SH2D6: variants seen among roughly 807,000 people sequenced by gnomAD.
SH2D6 encodes SH2 domain-containing protein 6.
Under a neutral mutation model 30.2 loss-of-function variants are expected in SH2D6, and 31 were observed. That is an observed-to-expected ratio of 1.03 (90% confidence interval 0.77 to 1.38). SH2D6 has a LOEUF of 1.38. SH2D6 is among the 40% of genes most tolerant of loss of function. The pLI is 0.00. For missense variants in SH2D6, 240 were observed against 266.8 expected, an observed-to-expected ratio of 0.90 and a Z score of 0.70; for synonymous variants, 93 against 104.6, an observed-to-expected ratio of 0.89 and a Z score of 0.68.
chr2:85,434,587 C>T, intron 19 of SH2D6, 90 bp downstream of exon 19: 2 of 1,465,372 alleles, frequency 1.4e-6, no homozygotes, highest in Non-Finnish European at 1.9e-6. Flanking sequence ...TACCCTTTCC[C>T]CACTTCTCAC....
rs932703488 is a variant in SH2D6, at chr2:85,434,342, C to T, written c.536C>T (p.Pro179Leu). 20 of 1,547,788 alleles carry T rather than the reference C, an allele frequency of 1.3e-5. No homozygotes were observed. The highest frequency in any genetic ancestry group is 1.7e-5 in the Non-Finnish European group (19 of 1,145,038). Residue 179 changes from proline to leucine, a missense_variant and splice_region_variant, in exon 18 of 24, where the codon CCT (proline) becomes CTT (leucine). Transcript: ENST00000469800. Reference protein sequence around the residue: ...PLPRTSVVPRPTTAPQETRNG... With the variant: ...PLPRTSVVPRLTTAPQETRNG... ...GTCCCCCGATTTGCTTCCCACAGGCCTACCACAGCCCCCCAGGAAACTCGG... is the reference window on the plus strand; with the variant it reads ...GTCCCCCGATTTGCTTCCCACAGGCTTACCACAGCCCCCCAGGAAACTCGG...
At chr2:85,435,200 T>C (rs1054938199) in intron 20 of SH2D6, 77 bp downstream of exon 20, 1 of 1,473,702 alleles carries the variant, frequency 6.8e-7, no homozygotes, top group Non-Finnish European at 9.4e-7. Flanking sequence ...AGGAACCCTC[T>C]TGGGCTGAAG....
At position 85,435,080 on chromosome 2, in the gene SH2D6, C is replaced by T; in HGVS notation, c.605C>T (p.Ser202Phe). ...CTTCTTCTAGAAGGAAGGAAATCGT[C>T]TCTTCCCTCTGTAGCCCCCACTGGG... ...DAASKEGRKS[S>F]LPSVAPTGSA... Residue 202 changes from serine (S) to phenylalanine (F), a missense_variant, in exon 20 of 24, where the codon TCT (serine) becomes TTT (phenylalanine). Coordinates refer to ENST00000469800, the MANE Select transcript of SH2D6 (RefSeq NM_001394463.1). The T allele has an allele frequency of 2.8e-6, 4 of 1,421,712 alleles. No individual in the cohort carries two copies. The highest frequency in any genetic ancestry group is 3.8e-6 in the Non-Finnish European group (4 of 1,060,218). 88.1% of individuals were successfully genotyped at this position (1,421,712 alleles called of 1,614,324 possible).
intron 2 of SH2D6, among the ~76,000 whole-genome samples, chr2:85,420,654 A>G (rs1427026199): frequency 2.0e-5 from 3 of 152,250 alleles, no homozygotes; most frequent in Non-Finnish European, 4.4e-5. Context: ...AGGAAGGGCA[A>G]AGCCCAGCAA....
Position 85,433,112 on chromosome 2 carries a change from G to A in SH2D6, c.384G>A (p.Ser128=), listed in dbSNP as rs546807107. 1.1e-4 allele frequency: 109 copies of A among 985,960 alleles called. No homozygotes were observed. The highest frequency in any genetic ancestry group is 5.2e-4 in the Middle Eastern group (1 of 1,918). 61.1% of individuals were successfully genotyped at this position (985,960 alleles called of 1,614,324 possible). ...PIFGRREQGA[S]SRVVPGPPKK... is the part of the protein sequence containing the mutation. ...TTTTCCTTTCAGAGCAGGGTGCATC[G>A]TCCAGAGTGGTGAGCAGCCCCTCCA... The change falls in exon 15 of 24, where the codon TCG becomes TCA. Residue 128 remains serine (S), a synonymous_variant. Transcript: ENST00000469800.
chr2:85,423,216 T>G (rs150005102), intron 5 of SH2D6, among the ~76,000 whole-genome samples: 4,119 of 148,812 alleles, frequency 0.028, 68 homozygotes, highest in South Asian at 0.043. Context: ...TGTTGTTGTT[T>G]TTGTTTTGTT....
chr2:85,420,308 C>T (rs896243367), intron 2 of SH2D6, among the ~76,000 whole-genome samples: 5 of 152,084 alleles, frequency 3.3e-5, no homozygotes, highest in East Asian at 1.9e-4. Context: ...TTAGTAGAGA[C>T]GGGGTTTCAC....
At chr2:85,434,167 A>T in intron 17 of SH2D6, 56 bp downstream of exon 17, 3 of 1,539,390 alleles carry the variant, frequency 1.9e-6, no homozygotes, top group Non-Finnish European at 2.6e-6. Context: ...ACAGAGAGAG[A>T]CAGCACCCCA....
rs781384365 is a variant in SH2D6, at chr2:85,436,531, A to C, written c.957A>C (p.Arg319Ser). 72 of 1,613,582 alleles carry C rather than the reference A, an allele frequency of 4.5e-5. No homozygotes were observed. Among genetic ancestry groups the C allele is most frequent in the Non-Finnish European group, 5.7e-5 (67 of 1,180,000 alleles). Residue 319 changes from arginine (R) to serine (S), a missense_variant, in exon 23 of 24, where the codon AGA (arginine) becomes AGC (serine). Arg to Ser is a moderately radical substitution (Grantham distance 110, BLOSUM62 -1). Transcript: ENST00000469800. ...FMWHPLPLVD[R>S]HSGSRELTCL... ...GGCACCCTCTGCCCCTTGTGGACAG[A>C]CACAGCGGCAGCCGGGAACTCACCT...
intron 6 of SH2D6, among the ~76,000 whole-genome samples, chr2:85,425,991 C>T (rs1261558539): frequency 6.6e-6 from 1 of 152,142 alleles, no homozygotes; most frequent in Non-Finnish European, 1.5e-5. Context: ...ATTCATGAGG[C>T]GGAGAACTCC....
At chr2:85,434,852 C>T (rs1689216052) in intron 19 of SH2D6, 5 of 1,502,376 alleles carry the variant, frequency 3.3e-6, no homozygotes, top group Non-Finnish European at 4.4e-6. Context: ...CCCAAGATCA[C>T]GCCTCATTTG....
chr2:85,433,744 A>C, intron 16 of SH2D6, 113 bp downstream of exon 16: 1 of 804,096 alleles, frequency 1.2e-6, no homozygotes, highest in Non-Finnish European at 1.7e-6. Context: ...ACCACCCCCC[A>C]CCAACACGCA....
rs922338486 is a variant in SH2D6, at chr2:85,431,972, T to C, written c.370+13T>C. On this transcript the variant is annotated intron_variant, in intron 14 of 23. Coordinates refer to ENST00000469800, the MANE Select transcript of SH2D6 (RefSeq NM_001394463.1). ...TTTGGGAGGCGAGGTAATGGGGATG[T>C]CCTCTCTTTCTGTGGCTCCACCCTG... The C allele has an allele frequency of 6.5e-6, 1 of 152,720 alleles. No individual in the cohort carries two copies. The highest frequency in any genetic ancestry group is 6.5e-5 in the Admixed American group (1 of 15,278). The allele number at this position is 152,720 out of a possible 1,614,324, so 9.5% of individuals were successfully genotyped here. A position where few individuals can be genotyped will look rare whatever the true frequency, so the allele number is the denominator to read the frequency against.
In SH2D6 at chr2:85,434,365, C is replaced by A. The variant is rs747444907; in HGVS notation, c.559C>A (p.Arg187=). The A allele has an allele frequency of 9.0e-5, 140 of 1,549,158 alleles. No homozygotes were observed. The highest frequency in any genetic ancestry group is 1.2e-4 in the Non-Finnish European group (133 of 1,146,012). The change falls in exon 18 of 24, where the codon CGG becomes AGG. Residue 187 remains arginine (R), a synonymous_variant. Coordinates refer to ENST00000469800, the MANE Select transcript of SH2D6 (RefSeq NM_001394463.1). ...GCCTACCACAGCCCCCCAGGAAACT[C>A]GGAATGTAAGAGGCTGATGGTCAGG... ...PRPTTAPQET[R]NGTADAASKE...
chr2:85,427,251 T>C (rs1688126943), intron 6 of SH2D6, among the ~76,000 whole-genome samples: 1 of 152,218 alleles, frequency 6.6e-6, no homozygotes, highest in African/African-American at 2.4e-5. Flanking sequence ...AGTGGGGCGT[T>C]ATACCTTCAA....
rs1176026545 is a variant in SH2D6, at chr2:85,422,230, T to G, written c.-549T>G. On this transcript the variant is annotated 5_prime_UTR_variant, in exon 3 of 24. Coordinates refer to ENST00000469800, the MANE Select transcript of SH2D6 (RefSeq NM_001394463.1). Reference sequence around the variant, plus strand: ...TGCCCTCTTGGTCGAGTGCAGTGGCTCACACCTGTGATCCCAACACTTTGG... The same window carrying G: ...TGCCCTCTTGGTCGAGTGCAGTGGCGCACACCTGTGATCCCAACACTTTGG... The G allele has an allele frequency of 2.0e-5, 3 of 152,068 alleles. No individual in the cohort carries two copies. Among genetic ancestry groups the G allele is most frequent in the Non-Finnish European group, 4.4e-5 (3 of 68,030 alleles). The allele number at this position is 152,068 out of a possible 1,614,324, so 9.4% of individuals were successfully genotyped here.
At position 85,435,699 on chromosome 2, in the gene SH2D6, C is replaced by T; in HGVS notation, c.766C>T (p.Pro256Ser). The T allele has an allele frequency of 1.2e-6, 2 of 1,612,786 alleles. No individual in the cohort carries two copies. The highest frequency in any genetic ancestry group is 1.1e-5 in the South Asian group (1 of 90,964). ...GAYTVRPSSG[P>S]HGSQPFTLAV... is the part of the protein sequence containing the mutation. ...CTATACCGTGCGCCCCAGCTCAGGG[C>T]CTCATGGCTCCCAGCCCTTCACCCT... Residue 256 changes from proline (P) to serine (S), a missense_variant, in exon 22 of 24, where the codon CCT becomes TCT. Pro to Ser is a moderately conservative substitution (Grantham distance 74). Transcript: ENST00000469800.
intron 2 of SH2D6, among the ~76,000 whole-genome samples, chr2:85,420,318 C>A (rs1573201547): frequency 6.6e-6 from 1 of 152,302 alleles, no homozygotes; most frequent in South Asian, 2.1e-4. Flanking sequence ...CGGGGTTTCA[C>A]CATGTTGGCC....
intron 6 of SH2D6, among the ~76,000 whole-genome samples, chr2:85,426,913 T>C (rs1042275026): frequency 5.9e-5 from 9 of 152,210 alleles, no homozygotes; most frequent in Non-Finnish European, 1.5e-5. Context: ...GATCTGACTC[T>C]GTCTCCAGGT....
Sources: allele counts gnomAD v4.1 joint callset (sites outside exome capture counted in the v4.1 genomes callset), GRCh38; gene constraint gnomAD v4.1.1; transcripts MANE v1.5; gene names NCBI Gene and HGNC (gene_info 2026-07-23, HGNC 2026-07-21).